Variants in CTC1 observed in about 807,000 individuals in gnomAD.
CTC1 encodes CST complex subunit CTC1.
In CTC1, 91 loss-of-function variants were observed where a neutral mutation model predicts 136.3. That is an observed-to-expected ratio of 0.67 (90% CI 0.56 to 0.79). CTC1 has a LOEUF of 0.79. CTC1 is among the 30% of genes least tolerant of loss of function. The pLI is 0.00. For synonymous variants in CTC1, 606 were observed against 613.8 expected (o/e 0.99, Z 0.19); for missense variants, 1,432 against 1,498.1 (o/e 0.96, Z 0.73).
rs1468555536 is a variant in CTC1, at chr17:8,226,677, C to G, written c.*1503G>C. 1 of 152,220 alleles carries G rather than the reference C, an allele frequency of 6.6e-6. No homozygotes were observed. Among genetic ancestry groups the G allele is most frequent in the Non-Finnish European group, 1.5e-5 (1 of 68,046 alleles). 9.4% of individuals were successfully genotyped at this position (152,220 alleles called of 1,614,324 possible). A position where few individuals can be genotyped will look rare whatever the true frequency, so the allele number is the denominator to read the frequency against. On this transcript the variant is annotated 3_prime_UTR_variant, in exon 23 of 23. Coordinates refer to ENST00000651323, the MANE Select transcript of CTC1 (RefSeq NM_025099.6). Reference sequence around the variant, plus strand: ...GATTTCTAGTCCATCGCCTTAACCACTCGGCCACGACTACGAGGCTTAGGG... The same window carrying G: ...GATTTCTAGTCCATCGCCTTAACCAGTCGGCCACGACTACGAGGCTTAGGG...
intron 1 of CTC1, 195 bp downstream of exon 1, chr17:8,247,809 C>G: frequency 1.6e-6 from 1 of 612,512 alleles, no homozygotes; most frequent in East Asian, 2.8e-5. Context: ...AGGCTCACAG[C>G]GGGCGCCGCG....
chr17:8,233,085 C>T, intron 10 of CTC1, 53 bp from the exon 11 acceptor site: 1 of 1,580,088 alleles, frequency 6.3e-7, no homozygotes, highest in Non-Finnish European at 8.7e-7. Context: ...AAATACTGAG[C>T]ATCTACTATT....
At chr17:8,241,993 T>A (rs946314949) in intron 2 of CTC1, among the ~76,000 whole-genome samples, 2 of 152,050 alleles carry the variant, frequency 1.3e-5, no homozygotes, top group African/African-American at 4.8e-5. Flanking sequence ...AAAATATTTA[T>A]TGGAATAATA....
intron 2 of CTC1, among the ~76,000 whole-genome samples, chr17:8,242,573 TATATATAC>T (rs1462004835): frequency 2.0e-4 from 28 of 138,670 alleles, no homozygotes; most frequent in African/African-American, 7.1e-4. Context: ...TATATATATA[TATATATAC>T]ACATATATAT....
rs1209960009 is a variant in CTC1, at chr17:8,226,270, T to A, written c.*1910A>T. 1 of 152,278 alleles carries A rather than the reference T, an allele frequency of 6.6e-6. No individual in the cohort carries two copies. Among genetic ancestry groups the A allele is most frequent in the Non-Finnish European group, 1.5e-5 (1 of 68,036 alleles). 9.4% of individuals were successfully genotyped at this position (152,278 alleles called of 1,614,324 possible). ...GGGATTCGAACCCAGGATCTCCTGTTTACTAGACAGGCGCTTTAACCAACT... is the reference window on the plus strand; with the variant it reads ...GGGATTCGAACCCAGGATCTCCTGTATACTAGACAGGCGCTTTAACCAACT... On this transcript the variant is annotated 3_prime_UTR_variant, in exon 23 of 23. Coordinates refer to ENST00000651323, the MANE Select transcript of CTC1 (RefSeq NM_025099.6).
chr17:8,242,071 C>T (rs1988274554), intron 2 of CTC1, among the ~76,000 whole-genome samples: 1 of 151,714 alleles, frequency 6.6e-6, no homozygotes, highest in Non-Finnish European at 1.5e-5. Flanking sequence ...GCTCTTGTTG[C>T]CCAGCTAGAG....
intron 10 of CTC1, 116 bp downstream of exon 10, chr17:8,234,339 G>T: frequency 9.9e-7 from 1 of 1,009,102 alleles, no homozygotes; most frequent in East Asian, 2.6e-5. Flanking sequence ...GAAGTGGTCT[G>T]CTTAGAAGGC....
intron 11 of CTC1, 193 bp from the exon 12 acceptor site, chr17:8,232,668 G>T: frequency 1.5e-6 from 1 of 679,228 alleles, no homozygotes; most frequent in Non-Finnish European, 2.5e-6. Context: ...AGGAGACACA[G>T]TTGTAATCCT....
Position 8,235,294 on chromosome 17 carries a change from A to G in CTC1, c.1207-9T>C. On this transcript the variant is annotated splice_polypyrimidine_tract_variant and intron_variant, in intron 7 of 22. Transcript: ENST00000651323. ...AGGTGAACATCCTGGAGCTGGGGGA[A>G]AGCAGAGAAAATGAAAAAGCAGAGA... is the stretch of plus-strand genomic sequence containing the variant. 2 of 1,603,442 alleles carry G rather than the reference A, an allele frequency of 1.2e-6. No homozygotes were observed. The highest frequency in any genetic ancestry group is 1.7e-6 in the Non-Finnish European group (2 of 1,171,106).
intron 18 of CTC1, 98 bp from the exon 19 acceptor site, chr17:8,229,544 C>A: frequency 9.6e-7 from 1 of 1,046,216 alleles, no homozygotes; most frequent in Non-Finnish European, 1.4e-6. Flanking sequence ...TAGAGGGCAT[C>A]AGGATGGGGA....
intron 1 of CTC1, among the ~76,000 whole-genome samples, chr17:8,246,671 C>A (rs1375225135): frequency 6.6e-6 from 1 of 151,962 alleles, no homozygotes; most frequent in South Asian, 2.1e-4. Context: ...CAGATCACGA[C>A]GTCAGGAGAT....
chr17:8,241,429 G>A (rs1166838369), intron 2 of CTC1, among the ~76,000 whole-genome samples: 5 of 151,892 alleles, frequency 3.3e-5, no homozygotes, highest in Admixed American at 6.6e-5. Flanking sequence ...ATACCAGTAC[G>A]GCCAATGGTG....
rs1310614752 is a variant in CTC1 at position 8,229,308 on chromosome 17, G to A, written c.3150C>T (p.Cys1050=). 1.2e-6 allele frequency: 2 copies of A among 1,614,176 alleles called. No individual in the cohort carries two copies. ...TGTTCCTTCCCTCCCTTACCTGCCG[G>A]CAGATGCTGGTACAATAAGCACACA... ...FWVCAYCTSI[C]RQGKCTRLGS... The change falls in exon 19 of 23, where the codon TGC becomes TGT. Residue 1050 remains cysteine, a synonymous_variant. Transcript: ENST00000651323.
At position 8,228,906 on chromosome 17, in the gene CTC1, G is replaced by A. The variant is rs750964784; in HGVS notation, c.3222-14C>T. ...TCCACCAGGAGCCTATGGGGAGCAGGAGGAAATAAAAACGCCTATAGCAAC... is the reference window on the plus strand; with the variant it reads ...TCCACCAGGAGCCTATGGGGAGCAGAAGGAAATAAAAACGCCTATAGCAAC... On this transcript the variant is annotated splice_polypyrimidine_tract_variant and intron_variant, in intron 20 of 22. Transcript: ENST00000651323. The A allele has an allele frequency of 1.9e-6, 3 of 1,598,000 alleles. No individual in the cohort carries two copies. The highest frequency in any genetic ancestry group is 2.2e-5 in the East Asian group (1 of 44,784).
intron 7 of CTC1, 53 bp downstream of exon 7, chr17:8,235,778 G>A (rs1987659915): frequency 3.3e-6 from 5 of 1,531,594 alleles, no homozygotes; most frequent in Non-Finnish European, 4.4e-6. Flanking sequence ...AGCCTATGAA[G>A]GTAAGAGAAG....
In CTC1 at chr17:8,238,559, T is replaced by C. The variant is rs371308970; in HGVS notation, c.268A>G (p.Ser90Gly). ...PCCSHLSWSS[S>G]AYQAWAQEAG... ...TCTTGGGCCCAGGCCTGGTATGCAC[T>C]ACTGCTCCACGACAGGTGGCTGCAG... The change falls in exon 3 of 23, where the codon AGT becomes GGT. Residue 90 changes from serine (S) to glycine (G), a missense_variant. Coordinates refer to ENST00000651323, the MANE Select transcript of CTC1 (RefSeq NM_025099.6). The C allele has an allele frequency of 3.7e-5, 59 of 1,614,060 alleles. No homozygotes were observed. Among genetic ancestry groups the C allele is most frequent in the Non-Finnish European group, 4.7e-5 (55 of 1,180,010 alleles).
Position 8,241,516 on chromosome 17 carries a change from G to A in CTC1, c.197+1469C>T, listed in dbSNP as rs557702041. On this transcript the variant is annotated intron_variant, in intron 2 of 22. Coordinates refer to ENST00000651323, the MANE Select transcript of CTC1 (RefSeq NM_025099.6). ...AGTCCCAGCTACTCAAGAGGCAGGA[G>A]AATCACTTGAACCCAGGAGGCAGAG... 1.6e-3 allele frequency among the ~76,000 whole-genome samples: 231 copies of A among 148,190 alleles called. 2 individuals are homozygous for A. Among genetic ancestry groups the A allele is most frequent in the African/African-American group, 5.4e-3 (215 of 40,088 alleles).
chr17:8,234,716 T>C (rs1987547082), intron 9 of CTC1, 33 bp downstream of exon 9: 1 of 1,582,230 alleles, frequency 6.3e-7, no homozygotes. Context: ...TCCTCCAGTG[T>C]TCTGCCACCA....
Position 8,226,309 on chromosome 17 carries a change from G to A in CTC1, c.*1871C>T, listed in dbSNP as rs572040612. The stretch of plus-strand genomic sequence containing the variant: ...CTTTAACCAACTAAGCCACGGCGCC[G>A]AAGCTGCCATAAAGGTTCCTGAAAT... On this transcript the variant is annotated 3_prime_UTR_variant, in exon 23 of 23. Transcript: ENST00000651323. 2.4e-4 allele frequency: 37 copies of A among 152,350 alleles called. No homozygotes were observed. The highest frequency in any genetic ancestry group is 2.1e-3 in the South Asian group (10 of 4,828). The allele number at this position is 152,350 out of a possible 1,614,324, so 9.4% of individuals were successfully genotyped here. A position where few individuals can be genotyped will look rare whatever the true frequency, so the allele number is the denominator to read the frequency against.
Sources: gnomAD v4.1 joint callset for allele counts (sites outside exome capture counted in the v4.1 genomes callset) on GRCh38, gnomAD v4.1.1 for gene constraint, MANE v1.5 for transcripts, NCBI Gene and HGNC (gene_info 2026-07-23, HGNC 2026-07-21) for gene names.